The following LTBP1 variants were observed in gnomAD, a reference collection of about 807,000 sequenced individuals.
The protein encoded by LTBP1 is latent-transforming growth factor beta-binding protein 1.
A neutral mutation model predicts 207.6 loss-of-function variants in LTBP1; 129 were observed. The ratio of observed to expected loss-of-function variants is 0.62; its 90% CI spans 0.54 to 0.72. The LOEUF is 0.72. LTBP1 is among the 30% of genes least tolerant of loss of function. LTBP1 has a pLI of 0.00. For missense variants in LTBP1, 2,281 were observed against 2,217.2 expected (o/e 1.03, Z -0.58); for synonymous variants, 963 against 833.7 (o/e 1.16, Z -2.67).
intron 32 of LTBP1, among the ~76,000 whole-genome samples, chr2:33,390,248 G>A (rs1412062429): frequency 6.6e-6 from 1 of 152,158 alleles, no homozygotes. Context: ...GTGGGAGTGT[G>A]TATCTGCAAA....
At chr2:33,090,643 G>A (rs1050894073) in intron 3 of LTBP1, among the ~76,000 whole-genome samples, 2 of 152,126 alleles carry the variant, frequency 1.3e-5, no homozygotes, top group Non-Finnish European at 2.9e-5. Flanking sequence ...GTGTAACTAG[G>A]GGGTAGGGAG....
rs541483649 is a variant in LTBP1 at position 33,215,382 on chromosome 2, A to G, written c.1702-2170A>G. Among the ~76,000 whole-genome samples the G allele has an allele frequency of 6.6e-5, 10 of 152,298 alleles. No homozygotes were observed. The South Asian group carries it at 1.5e-3, about 22-fold the overall frequency. ...GAGTCACATTTTTAATCACTATCAT[A>G]TACTGCTGTTGGAGAGCACACAGCA... On this transcript the variant is annotated intron_variant, in intron 7 of 33. Transcript: ENST00000404816.
intron 5 of LTBP1, among the ~76,000 whole-genome samples, chr2:33,160,020 A>C (rs941845660): frequency 6.6e-6 from 1 of 151,990 alleles, no homozygotes. Flanking sequence ...CTGGGATCAT[A>C]GGCACCCGCC....
chr2:33,364,944 T>C (rs2094967355), intron 30 of LTBP1, among the ~76,000 whole-genome samples: 1 of 152,190 alleles, frequency 6.6e-6, no homozygotes, highest in Non-Finnish European at 1.5e-5. Context: ...ATTAAATGGA[T>C]AAGAAGGCAT....
chr2:33,085,290 T>C (rs1440122756), intron 3 of LTBP1, among the ~76,000 whole-genome samples: 1 of 152,198 alleles, frequency 6.6e-6, no homozygotes, highest in East Asian at 1.9e-4. Flanking sequence ...ACCTAGTTTA[T>C]GGCAATTTGT....
At chr2:33,291,786 C>T (rs926641972) in intron 19 of LTBP1, 19 of 152,270 alleles carry the variant, frequency 1.2e-4, no homozygotes, top group African/African-American at 4.6e-4. Flanking sequence ...CTGCATTCCA[C>T]TGTAAGAAAG....
At chr2:33,052,193 C>T (rs2076778128) in intron 3 of LTBP1, among the ~76,000 whole-genome samples, 1 of 152,218 alleles carries the variant, frequency 6.6e-6, no homozygotes. Flanking sequence ...CGTCATTCGA[C>T]CGTTGCTATG....
intron 3 of LTBP1, among the ~76,000 whole-genome samples, chr2:33,091,675 G>GC (rs1276937992): frequency 6.6e-6 from 1 of 152,120 alleles, no homozygotes; most frequent in Non-Finnish European, 1.5e-5. Context: ...AAGGATGGTG[G>GC]CAAGAATCCC....
intron 3 of LTBP1, among the ~76,000 whole-genome samples, chr2:33,026,016 C>G (rs527394583): frequency 1.8e-3 from 278 of 152,010 alleles, no homozygotes; most frequent in African/African-American, 6.3e-3. Flanking sequence ...ACAATAGTAA[C>G]AATAAAACGT....
chr2:33,354,736 ATCT>A (rs1296263603), intron 26 of LTBP1, among the ~76,000 whole-genome samples: 4 of 148,300 alleles, frequency 2.7e-5, no homozygotes, highest in Non-Finnish European at 4.5e-5. Context: ...ACACCATTGT[ATCT>A]TCATTTATTT....
At chr2:33,090,982 G>T (rs540861729) in intron 3 of LTBP1, among the ~76,000 whole-genome samples, 3 of 152,122 alleles carry the variant, frequency 2.0e-5, no homozygotes. Context: ...CTTGAGTCAG[G>T]CTTGGCTTCC....
At chr2:33,278,342 C>T (rs2093489393) in intron 18 of LTBP1, among the ~76,000 whole-genome samples, 1 of 151,946 alleles carries the variant, frequency 6.6e-6, no homozygotes, top group African/African-American at 2.4e-5. Flanking sequence ...TAATTCTATC[C>T]CCATGAAAAG....
chr2:33,200,217 T>G lies in LTBP1; in HGVS notation c.1701+11366T>G, dbSNP rs1479267701. Among the ~76,000 whole-genome samples the G allele has an allele frequency of 2.0e-5, 3 of 152,170 alleles. No homozygotes were observed. The East Asian group carries it at 5.8e-4, about 29-fold the overall frequency. On this transcript the variant is annotated intron_variant, in intron 7 of 33. Coordinates refer to ENST00000404816, the MANE Select transcript of LTBP1 (RefSeq NM_206943.4). The stretch of plus-strand genomic sequence containing the variant: ...AGCTGGAGGCATCACGCTACCTGAC[T>G]TCAAACTATACTACAAGGCTACAGT...
rs530570867 is a variant in LTBP1, at chr2:32,958,304, G to A, written c.565+9359G>A. 2.6e-5 allele frequency among the ~76,000 whole-genome samples: 4 copies of A among 152,316 alleles called. No homozygotes were observed. The South Asian group carries it at 6.2e-4, about 24-fold the overall frequency. On this transcript the variant is annotated intron_variant, in intron 2 of 33. Coordinates refer to ENST00000404816, the MANE Select transcript of LTBP1 (RefSeq NM_206943.4). ...AAAACGCATAGAGAGCAGGGCCCCT[G>A]CACAGTAATTGACAAAAATGAGCTC...
intron 19 of LTBP1, among the ~76,000 whole-genome samples, chr2:33,287,898 C>G: frequency 6.6e-6 from 1 of 152,178 alleles, no homozygotes; most frequent in Non-Finnish European, 1.5e-5. Flanking sequence ...ACATCTGTCT[C>G]TCATTTTGCC....
Position 33,187,007 on chromosome 2 carries a change from G to A in LTBP1, c.1353G>A (p.Lys451=). 6.2e-7 allele frequency: 1 copy of A among 1,614,190 alleles called. No individual in the cohort carries two copies. Among genetic ancestry groups the A allele is most frequent in the Non-Finnish European group, 8.5e-7 (1 of 1,180,032 alleles). ...KLYQHSQQPG[K]ALGTHVIHST... is the part of the protein sequence containing the mutation. The stretch of plus-strand genomic sequence containing the variant: ...ATCAGCATTCCCAGCAGCCAGGCAA[G>A]GCGTTGGGGACGCATGTCATCCATT... Residue 451 remains lysine, a synonymous_variant, in exon 6 of 34, where the codon AAG becomes AAA. Transcript: ENST00000404816.
At chr2:33,335,676 C>T (rs1282793221) in intron 24 of LTBP1, among the ~76,000 whole-genome samples, 1 of 152,130 alleles carries the variant, frequency 6.6e-6, no homozygotes, top group Non-Finnish European at 1.5e-5. Context: ...CGCTTGTGGG[C>T]CAGCAGCCAT....
chr2:33,078,607 A>G (rs150096980), intron 3 of LTBP1, among the ~76,000 whole-genome samples: 15 of 152,350 alleles, frequency 9.8e-5, no homozygotes, highest in Non-Finnish European at 1.6e-4. Context: ...TAAGAAGCAT[A>G]CAATAGGAGT....
chr2:33,111,248 T>A (rs1450510986), intron 4 of LTBP1, among the ~76,000 whole-genome samples: 1 of 152,164 alleles, frequency 6.6e-6, no homozygotes, highest in Non-Finnish European at 1.5e-5. Context: ...AAAGCGCTAT[T>A]GTATCAGTGG....
Sources: allele counts gnomAD v4.1 joint callset (sites outside exome capture counted in the v4.1 genomes callset), GRCh38; gene constraint gnomAD v4.1.1; transcripts MANE v1.5; gene names NCBI Gene and HGNC (gene_info 2026-07-23, HGNC 2026-07-21).